GPC5: variants seen among roughly 807,000 people sequenced by gnomAD.
The protein encoded by GPC5 is glypican 5.
A neutral mutation model predicts 53.9 loss-of-function variants in GPC5; 47 were observed. That is an observed-to-expected ratio of 0.87 (90% confidence interval 0.69 to 1.11). GPC5 has a LOEUF of 1.11. Among genes scored for constraint, GPC5 ranks in the 50% most tolerant of loss-of-function variants. GPC5 has a pLI of 0.00. For synonymous variants in GPC5, 286 were observed against 263.3 expected (o/e 1.09, Z -0.84); for missense variants, 748 against 713.1 (o/e 1.05, Z -0.56).
In GPC5 at chr13:92,213,455, T is replaced by C. The variant is rs574880417; in HGVS notation, c.1561+68466T>C. 9.9e-5 allele frequency among the ~76,000 whole-genome samples: 15 copies of C among 151,816 alleles called. 2 individuals are homozygous for C. The South Asian group carries it at 2.9e-3, about 30-fold the overall frequency. ...TCTATGGAACACTTACCTCTGAGAATCTGTCAGAAAATGAGGCCTTATCTT... is the reference window on the plus strand; with the variant it reads ...TCTATGGAACACTTACCTCTGAGAACCTGTCAGAAAATGAGGCCTTATCTT... On this transcript the variant is annotated intron_variant, in intron 7 of 7. Coordinates refer to ENST00000377067, the MANE Select transcript of GPC5 (RefSeq NM_004466.6).
Position 92,003,325 on chromosome 13 carries a change from C to CA in GPC5, c.1401+95287dup, listed in dbSNP as rs57075719. Among the ~76,000 whole-genome samples the CA allele has an allele frequency of 3.2e-3, 318 of 100,150 alleles. 2 individuals are homozygous for CA. The highest frequency in any genetic ancestry group is 9.0e-3 in the African/African-American group (245 of 27,262). 65.7% of individuals were successfully genotyped at this position (100,150 alleles called of 152,430 possible). A position where few individuals can be genotyped will look rare whatever the true frequency, so the allele number is the denominator to read the frequency against. Reference sequence around the variant, plus strand: ...AACAGAGTGAGTCTCTGTCTTAACACAAAAAAAAAAAAAAAAAAAGAAAAG... The same window carrying CA: ...AACAGAGTGAGTCTCTGTCTTAACACAAAAAAAAAAAAAAAAAAAAGAAAAG... On this transcript the variant is annotated intron_variant, in intron 6 of 7. Coordinates refer to ENST00000377067, the MANE Select transcript of GPC5 (RefSeq NM_004466.6).
chr13:91,514,645 G>A (rs1362948335), intron 2 of GPC5, among the ~76,000 whole-genome samples: 2 of 152,102 alleles, frequency 1.3e-5, no homozygotes, highest in Admixed American at 6.5e-5. Flanking sequence ...TTATCACCCA[G>A]TGGAATCCAA....
chr13:92,221,868 G>GA (rs140373665), intron 7 of GPC5, among the ~76,000 whole-genome samples: 31,181 of 151,818 alleles, frequency 0.21, 3,310 homozygotes, highest in Admixed American at 0.23. Flanking sequence ...ACTCCCTAGA[G>GA]AAAAATGACA....
At chr13:91,542,252 A>T (rs1303737248) in intron 2 of GPC5, among the ~76,000 whole-genome samples, 1 of 152,114 alleles carries the variant, frequency 6.6e-6, no homozygotes, top group Non-Finnish European at 1.5e-5. Context: ...TTTCTCTCAT[A>T]ATATTGCAAC....
chr13:91,988,603 A>G (rs1460200993), intron 6 of GPC5, among the ~76,000 whole-genome samples: 2 of 152,204 alleles, frequency 1.3e-5, no homozygotes, highest in African/African-American at 2.4e-5. Flanking sequence ...TGATGCTAAG[A>G]AAGACAAAAA....
intron 7 of GPC5, among the ~76,000 whole-genome samples, chr13:92,549,153 G>A (rs1291838968): frequency 6.6e-6 from 1 of 152,032 alleles, no homozygotes; most frequent in Non-Finnish European, 1.5e-5. Context: ...TCTTTAAGTT[G>A]TGAGCTTTAC....
At chr13:92,432,846 T>C (rs1000538671) in intron 7 of GPC5, among the ~76,000 whole-genome samples, 1 of 152,140 alleles carries the variant, frequency 6.6e-6, no homozygotes, top group Non-Finnish European at 1.5e-5. Flanking sequence ...CTTTTCCTTT[T>C]CCTTTCCTTT....
Position 92,340,188 on chromosome 13 carries a change from G to A in GPC5, c.1561+195199G>A, listed in dbSNP as rs117736807. Among the ~76,000 whole-genome samples the A allele has an allele frequency of 4.3e-4, 65 of 152,230 alleles. 2 individuals carry two copies. The East Asian group carries it at 0.011, about 26-fold the overall frequency. ...TAGTTACATATTACACATTTCCATA[G>A]TAAAGTTGTATGAAAATGGTAATTA... On this transcript the variant is annotated intron_variant, in intron 7 of 7. Coordinates refer to ENST00000377067, the MANE Select transcript of GPC5 (RefSeq NM_004466.6).
chr13:92,447,869 T>C (rs1400170128), intron 7 of GPC5: 1 of 152,138 alleles, frequency 6.6e-6, no homozygotes, highest in Non-Finnish European at 1.5e-5. Flanking sequence ...AGCTAATGGA[T>C]TTCTAAGTAC....
intron 7 of GPC5, among the ~76,000 whole-genome samples, chr13:92,632,463 C>CT (rs1885272398): frequency 8.3e-6 from 1 of 120,094 alleles, no homozygotes; most frequent in African/African-American, 2.8e-5. Context: ...AAATATTCCA[C>CT]ATATATATAT....
chr13:91,558,174 G>A (rs1236046907), intron 2 of GPC5, among the ~76,000 whole-genome samples: 2 of 152,034 alleles, frequency 1.3e-5, no homozygotes, highest in African/African-American at 4.8e-5. Context: ...GAGAAGTGAG[G>A]CTGTCAAAAC....
intron 6 of GPC5, among the ~76,000 whole-genome samples, chr13:92,132,085 TAAAG>T (rs1594775844): frequency 6.6e-6 from 1 of 152,096 alleles, no homozygotes; most frequent in South Asian, 2.1e-4. Context: ...ATACAGCAAT[TAAAG>T]AACCGTTGCT....
chr13:92,279,319 T>A (rs6492594), intron 7 of GPC5, among the ~76,000 whole-genome samples: 29 of 152,196 alleles, frequency 1.9e-4, no homozygotes, highest in African/African-American at 6.7e-4. Flanking sequence ...TGTGTTTGAT[T>A]GTTCATTGCC....
Position 92,197,887 on chromosome 13 carries a change from C to A in GPC5, c.1561+52898C>A, listed in dbSNP as rs541365280. Among the ~76,000 whole-genome samples the A allele has an allele frequency of 1.6e-4, 24 of 152,116 alleles. 1 individual carries two copies. The highest frequency in any genetic ancestry group is 6.8e-3 in the Middle Eastern group (2 of 292). ...ACAACTCCGTATGATACCCTACTTC[C>A]ACCTCTACCACTCTGAGTCATTGCA... On this transcript the variant is annotated intron_variant, in intron 7 of 7. Transcript: ENST00000377067.
At chr13:91,901,021 T>C (rs2039492617) in intron 5 of GPC5, among the ~76,000 whole-genome samples, 2 of 152,104 alleles carry the variant, frequency 1.3e-5, no homozygotes, top group African/African-American at 4.8e-5. Flanking sequence ...GAACATGTTT[T>C]TATTATATTT....
intron 2 of GPC5, among the ~76,000 whole-genome samples, chr13:91,601,107 A>T (rs1285871717): frequency 6.6e-6 from 1 of 152,206 alleles, no homozygotes; most frequent in Admixed American, 6.5e-5. Flanking sequence ...CATCTTCAAG[A>T]TTTATTTTAA....
At chr13:91,859,170 C>T (rs1227130855) in intron 5 of GPC5, among the ~76,000 whole-genome samples, 1 of 150,688 alleles carries the variant, frequency 6.6e-6, no homozygotes, top group Non-Finnish European at 1.5e-5. Flanking sequence ...TTCATTCTTT[C>T]CTTTCTTCTA....
intron 6 of GPC5, chr13:91,995,996 T>A (rs138720662): frequency 1.7e-4 from 26 of 152,330 alleles, no homozygotes; most frequent in Admixed American, 1.3e-4. Context: ...GATGGAATTA[T>A]GGGCAGTTCC....
At chr13:91,774,319 G>T (rs910390807) in intron 5 of GPC5, among the ~76,000 whole-genome samples, 1 of 152,092 alleles carries the variant, frequency 6.6e-6, no homozygotes, top group African/African-American at 2.4e-5. Context: ...TGCTTCAAAA[G>T]AAATTCCCTA....
Sources: allele counts gnomAD v4.1 joint callset (sites outside exome capture counted in the v4.1 genomes callset), GRCh38; gene constraint gnomAD v4.1.1; transcripts MANE v1.5; gene names NCBI Gene and HGNC (gene_info 2026-07-23, HGNC 2026-07-21).